SCAPER: variants seen among roughly 807,000 people sequenced by gnomAD.
SCAPER encodes S-phase cyclin A associated protein in the ER.
Under a neutral mutation model 182.2 loss-of-function variants are expected in SCAPER, and 98 were observed. The observed-to-expected ratio is 0.54, with a 90% CI of 0.46 to 0.64. The LOEUF is 0.64. SCAPER is among the 30% of genes least tolerant of loss of function. SCAPER has a pLI of 0.00. For synonymous variants in SCAPER, 605 were observed against 564.6 expected (o/e 1.07, Z -1.01); for missense variants, 1,432 against 1,690.0 (o/e 0.85, Z 2.68).
At chr15:76,673,032 C>A (rs969957238) in intron 20 of SCAPER, among the ~76,000 whole-genome samples, 2 of 151,856 alleles carry the variant, frequency 1.3e-5, no homozygotes, top group East Asian at 1.9e-4. Flanking sequence ...TTTTTGACAG[C>A]AACATTTTAT....
chr15:76,454,039 T>A (rs1318711776), intron 25 of SCAPER, among the ~76,000 whole-genome samples: 1 of 149,968 alleles, frequency 6.7e-6, no homozygotes, highest in African/African-American at 2.5e-5. Context: ...TAAGGCTATG[T>A]CCTATTATCA....
intron 10 of SCAPER, among the ~76,000 whole-genome samples, chr15:76,768,839 A>AAT (rs1464875731): frequency 1.3e-5 from 2 of 150,076 alleles, no homozygotes; most frequent in Non-Finnish European, 1.5e-5. Context: ...AAAAAAAAAA[A>AAT]ATATATATAT....
At chr15:76,652,544 CACACACACACACACACAT>C (rs1348173320) in intron 21 of SCAPER, among the ~76,000 whole-genome samples, 5 of 145,090 alleles carry the variant, frequency 3.4e-5, no homozygotes, top group Non-Finnish European at 6.0e-5. Flanking sequence ...CACACACACA[CACACACACACACACACAT>C]TAGCCGGGTG....
intron 5 of SCAPER, among the ~76,000 whole-genome samples, chr15:76,827,602 G>C (rs986846743): frequency 6.6e-6 from 1 of 152,034 alleles, no homozygotes; most frequent in African/African-American, 2.4e-5. Flanking sequence ...ACACTTCATC[G>C]GAGAGTAATA....
At chr15:76,556,743 CA>C (rs200670176) in intron 23 of SCAPER, among the ~76,000 whole-genome samples, 2 of 147,016 alleles carry the variant, frequency 1.4e-5, no homozygotes. Context: ...GCCTATAAAC[CA>C]AAAAAAAAGC....
intron 20 of SCAPER, among the ~76,000 whole-genome samples, chr15:76,670,031 C>T (rs2056899592): frequency 6.6e-6 from 1 of 152,152 alleles, no homozygotes; most frequent in Admixed American, 6.5e-5. Flanking sequence ...AACGCCTTTA[C>T]ACACATATTC....
At chr15:76,903,047 T>C (rs1311747913) in intron 1 of SCAPER, among the ~76,000 whole-genome samples, 9 of 128,862 alleles carry the variant, frequency 7.0e-5, no homozygotes, top group Middle Eastern at 4.0e-3. Flanking sequence ...GGTGACAGAG[T>C]GAGACTCGGT....
At chr15:76,539,792 G>T (rs975403359) in intron 23 of SCAPER, among the ~76,000 whole-genome samples, 6 of 152,002 alleles carry the variant, frequency 3.9e-5, no homozygotes, top group African/African-American at 1.4e-4. Context: ...TGATCTGCCC[G>T]CCTCGGCCTT....
At chr15:76,702,786 T>C in intron 19 of SCAPER, 64 bp downstream of exon 19, 1 of 1,539,078 alleles carries the variant, frequency 6.5e-7, no homozygotes, top group Non-Finnish European at 8.7e-7. Context: ...CAAGAATATA[T>C]TTCCATGGTT....
chr15:76,680,678 A>C (rs1290164121), intron 20 of SCAPER, among the ~76,000 whole-genome samples: 1 of 152,040 alleles, frequency 6.6e-6, no homozygotes, highest in Non-Finnish European at 1.5e-5. Flanking sequence ...GCTGGTTAAA[A>C]AGAGCCTAGA....
chr15:76,640,199 G>T (rs982316791), intron 21 of SCAPER, among the ~76,000 whole-genome samples: 5 of 152,140 alleles, frequency 3.3e-5, no homozygotes, highest in African/African-American at 9.7e-5. Context: ...CTCGGATGTG[G>T]AATTCTCAGT....
At chr15:76,632,088 T>C (rs2041061577) in intron 21 of SCAPER, among the ~76,000 whole-genome samples, 1 of 152,218 alleles carries the variant, frequency 6.6e-6, no homozygotes, top group African/African-American at 2.4e-5. Flanking sequence ...CGACTGATAC[T>C]TGTGTTTGCA....
At chr15:76,836,715 A>G (rs112654644) in intron 5 of SCAPER, among the ~76,000 whole-genome samples, 1 of 152,080 alleles carries the variant, frequency 6.6e-6, no homozygotes, top group African/African-American at 2.4e-5. Context: ...CTACTAAAAA[A>G]TACAAAAAAT....
chr15:76,567,632 GTTGA>G (rs1302287457), intron 23 of SCAPER, among the ~76,000 whole-genome samples: 24 of 152,242 alleles, frequency 1.6e-4, no homozygotes, highest in East Asian at 3.9e-4. Flanking sequence ...TATTAAAGAG[GTTGA>G]CTATCTTCAC....
intron 22 of SCAPER, among the ~76,000 whole-genome samples, chr15:76,577,666 AGACTCCTTGGGCCCTCAC>A (rs2047945606): frequency 6.6e-6 from 1 of 152,138 alleles, no homozygotes; most frequent in African/African-American, 2.4e-5. Context: ...TGCTGACAAA[AGACTCCTTGGGCCCTCAC>A]GAGTTAGCAG....
intron 25 of SCAPER, among the ~76,000 whole-genome samples, chr15:76,445,978 G>C (rs1288907449): frequency 6.6e-6 from 1 of 152,046 alleles, no homozygotes; most frequent in Admixed American, 6.6e-5. Flanking sequence ...TACTGCACAG[G>C]GAATTTTCTT....
At chr15:76,582,457 T>A (rs2145525834) in intron 22 of SCAPER, among the ~76,000 whole-genome samples, 1 of 152,210 alleles carries the variant, frequency 6.6e-6, no homozygotes, top group South Asian at 2.1e-4. Flanking sequence ...AGAAGACACA[T>A]GAAAAGGCAT....
chr15:76,728,556 C>T (rs755946813), intron 17 of SCAPER, 39 bp downstream of exon 17: 2 of 1,610,604 alleles, frequency 1.2e-6, no homozygotes, highest in Admixed American at 3.4e-5. Flanking sequence ...TGAATATTCA[C>T]TCAGTGCAAA....
chr15:76,477,858 G>A (rs959360478), intron 24 of SCAPER, among the ~76,000 whole-genome samples: 1 of 151,272 alleles, frequency 6.6e-6, no homozygotes, highest in African/African-American at 2.4e-5. Flanking sequence ...TTATTTATAA[G>A]GCTCTTTACT....
Sources: gnomAD v4.1 joint callset for allele counts (sites outside exome capture counted in the v4.1 genomes callset) on GRCh38, gnomAD v4.1.1 for gene constraint, MANE v1.5 for transcripts, NCBI Gene and HGNC (gene_info 2026-07-23, HGNC 2026-07-21) for gene names.